The following ARSB variants were observed in gnomAD, a reference collection of about 807,000 sequenced individuals.
ARSB encodes arylsulfatase B, also known as N-acetylgalactosamine-4-sulfatase.
A neutral mutation model predicts 50.9 loss-of-function variants in ARSB; 41 were observed. The observed-to-expected ratio is 0.81, with a 90% CI of 0.63 to 1.04. ARSB has a LOEUF of 1.04. Among genes scored for constraint, ARSB ranks in the 50% least tolerant of loss-of-function variants. ARSB has a pLI of 0.00. For synonymous variants in ARSB, 269 were observed against 284.8 expected (o/e 0.94, Z 0.56); for missense variants, 672 against 693.3 (o/e 0.97, Z 0.35).
At chr5:78,882,572 GT>G (rs1436236382) in intron 5 of ARSB, among the ~76,000 whole-genome samples, 1 of 152,290 alleles carries the variant, frequency 6.6e-6, no homozygotes, top group East Asian at 1.9e-4. Context: ...AAGGGAATGG[GT>G]AAGTATATCA....
intron 3 of ARSB, among the ~76,000 whole-genome samples, chr5:78,957,714 G>A (rs1160276363): frequency 1.3e-5 from 2 of 152,108 alleles, no homozygotes; most frequent in Admixed American, 6.6e-5. Flanking sequence ...GTCTATGTTC[G>A]TGTAGACCAT....
intron 7 of ARSB, among the ~76,000 whole-genome samples, 191 bp downstream of exon 7, chr5:78,781,661 G>A (rs1748929602): frequency 6.6e-6 from 1 of 152,206 alleles, no homozygotes; most frequent in African/African-American, 2.4e-5. Flanking sequence ...GGGCTTAGGG[G>A]CCTTGAGGAG....
At chr5:78,803,636 C>T (rs1190019551) in intron 6 of ARSB, among the ~76,000 whole-genome samples, 2 of 152,228 alleles carry the variant, frequency 1.3e-5, no homozygotes, top group Non-Finnish European at 2.9e-5. Context: ...GTGCTGGTCT[C>T]CTCGGCTGGA....
At chr5:78,929,305 A>C (rs1472939077) in intron 4 of ARSB, among the ~76,000 whole-genome samples, 1 of 152,040 alleles carries the variant, frequency 6.6e-6, no homozygotes, top group African/African-American at 2.4e-5. Flanking sequence ...TTCTTCTCAT[A>C]CTAAGTGATT....
chr5:78,983,534 C>A (rs1753011137), intron 1 of ARSB, among the ~76,000 whole-genome samples: 1 of 152,154 alleles, frequency 6.6e-6, no homozygotes, highest in African/African-American at 2.4e-5. Flanking sequence ...TCTTTACTGG[C>A]ACATCCCTTT....
intron 4 of ARSB, among the ~76,000 whole-genome samples, chr5:78,891,271 C>T (rs533330078): frequency 6.6e-6 from 1 of 152,324 alleles, no homozygotes; most frequent in South Asian, 2.1e-4. Context: ...CATACTGCTG[C>T]TTAAACTATA....
intron 5 of ARSB, among the ~76,000 whole-genome samples, chr5:78,875,092 G>A (rs1329645565): frequency 6.6e-6 from 1 of 152,162 alleles, no homozygotes; most frequent in Non-Finnish European, 1.5e-5. Context: ...TAGCTTGGGT[G>A]ACAAATTGAG....
intron 4 of ARSB, among the ~76,000 whole-genome samples, chr5:78,903,396 T>C (rs919662728): frequency 1.3e-5 from 2 of 152,228 alleles, no homozygotes; most frequent in African/African-American, 4.8e-5. Context: ...ACAAAAGATG[T>C]GATTCCTCGA....
At chr5:78,808,147 C>T (rs967402262) in intron 6 of ARSB, among the ~76,000 whole-genome samples, 3 of 145,422 alleles carry the variant, frequency 2.1e-5, no homozygotes, top group Admixed American at 6.8e-5. Context: ...GTCAAACATG[C>T]ACAGAAGTAG....
intron 5 of ARSB, chr5:78,883,832 T>A (rs985602799): frequency 1.3e-5 from 2 of 152,226 alleles, no homozygotes; most frequent in African/African-American, 4.8e-5. Flanking sequence ...TAAACTTGAA[T>A]AGCTATCAAA....
intron 4 of ARSB, among the ~76,000 whole-genome samples, chr5:78,943,658 G>A (rs1033791927): frequency 1.3e-5 from 2 of 152,210 alleles, no homozygotes; most frequent in Non-Finnish European, 2.9e-5. Context: ...CTGTTAGTCT[G>A]ATGGGCTTCC....
chr5:78,962,399 A>T (rs1752025587), intron 3 of ARSB, among the ~76,000 whole-genome samples: 1 of 152,052 alleles, frequency 6.6e-6, no homozygotes, highest in African/African-American at 2.4e-5. Context: ...GAATGTTCCC[A>T]TTTCTTCGTG....
intron 6 of ARSB, among the ~76,000 whole-genome samples, chr5:78,803,247 C>T (rs554602768): frequency 6.6e-6 from 1 of 152,180 alleles, no homozygotes; most frequent in Non-Finnish European, 1.5e-5. Flanking sequence ...TCCAGCCTCC[C>T]GACAGACAAT....
intron 6 of ARSB, among the ~76,000 whole-genome samples, chr5:78,829,457 A>G (rs1422536968): frequency 6.6e-6 from 1 of 152,200 alleles, no homozygotes; most frequent in African/African-American, 2.4e-5. Flanking sequence ...CTTATATTAT[A>G]TCACTTATCA....
At chr5:78,837,532 T>C (rs933102301) in intron 6 of ARSB, among the ~76,000 whole-genome samples, 1 of 152,154 alleles carries the variant, frequency 6.6e-6, no homozygotes, top group Non-Finnish European at 1.5e-5. Flanking sequence ...TTTAGGCCAA[T>C]AGAAATATAA....
intron 4 of ARSB, among the ~76,000 whole-genome samples, chr5:78,932,962 G>A (rs1042916437): frequency 3.3e-5 from 5 of 152,102 alleles, no homozygotes; most frequent in East Asian, 1.9e-4. Context: ...TCCCTACTAC[G>A]AAACAGCACT....
At chr5:78,883,762 G>T (rs1747871479) in intron 5 of ARSB, 1 of 152,138 alleles carries the variant, frequency 6.6e-6, no homozygotes, top group African/African-American at 2.4e-5. Flanking sequence ...AGGTTGAGCG[G>T]CCTGGCTGAA....
chr5:78,865,105 C>T (rs1396051069), intron 5 of ARSB, among the ~76,000 whole-genome samples: 2 of 49,910 alleles, frequency 4.0e-5, no homozygotes, highest in Non-Finnish European at 8.8e-5. Flanking sequence ...TCTCACAGCT[C>T]CACTAGGACT....
intron 5 of ARSB, among the ~76,000 whole-genome samples, chr5:78,866,581 C>T (rs1467563645): frequency 1.3e-5 from 2 of 152,174 alleles, no homozygotes; most frequent in African/African-American, 2.4e-5. Context: ...AAAGCACTGG[C>T]TAGTGGGGAG....
Sources: allele counts gnomAD v4.1 joint callset (sites outside exome capture counted in the v4.1 genomes callset), GRCh38; gene constraint gnomAD v4.1.1; transcripts MANE v1.5; gene names NCBI Gene and HGNC (gene_info 2026-07-23, HGNC 2026-07-21).